NTM: variants seen among roughly 807,000 people sequenced by gnomAD.
NTM encodes neurotrimin, also known as IgLON family member 2.
A neutral mutation model predicts 42.1 loss-of-function variants in NTM; 13 were observed. The observed-to-expected ratio is 0.31, with a 90% CI of 0.20 to 0.49. The LOEUF (loss-of-function observed/expected upper bound fraction) is 0.49, where lower values mean the gene tolerates loss of function less well. Ranked by LOEUF, NTM falls within the 20% of genes least tolerant of loss-of-function variation. NTM has a pLI of 0.99. For missense variants in NTM, 373 were observed against 452.8 expected, an observed-to-expected ratio of 0.82 and a Z score of 1.60; for synonymous variants, 187 against 179.2, an observed-to-expected ratio of 1.04 and a Z score of -0.35.
intron 2 of NTM, among the ~76,000 whole-genome samples, chr11:132,090,700 C>T (rs1439247402): frequency 6.6e-6 from 1 of 152,090 alleles, no homozygotes; most frequent in Non-Finnish European, 1.5e-5. Flanking sequence ...TCTTCCCCTT[C>T]TTCCCCATCC....
At chr11:131,959,960 A>G (rs1484987192) in intron 2 of NTM, among the ~76,000 whole-genome samples, 2 of 152,218 alleles carry the variant, frequency 1.3e-5, no homozygotes, top group Non-Finnish European at 2.9e-5. Flanking sequence ...GTACAACAGC[A>G]TGTACTAGAG....
intron 2 of NTM, among the ~76,000 whole-genome samples, chr11:131,980,608 A>T (rs1457510277): frequency 6.6e-6 from 1 of 152,238 alleles, no homozygotes; most frequent in Non-Finnish European, 1.5e-5. Flanking sequence ...ACTTTCAAAA[A>T]CAAGTGAGAG....
intron 3 of NTM, among the ~76,000 whole-genome samples, chr11:132,150,389 G>A (rs1234635472): frequency 6.6e-6 from 1 of 152,098 alleles, no homozygotes; most frequent in East Asian, 1.9e-4. Flanking sequence ...CTCCTGTGTT[G>A]GACAGTGCAG....
Position 131,500,573 on chromosome 11 carries a change from ATATATTTT to A in NTM, c.82+129687_82+129694del, listed in dbSNP as rs1210358563. 6.5e-4 allele frequency among the ~76,000 whole-genome samples: 26 copies of A among 39,758 alleles called. 1 individual carries two copies. Among genetic ancestry groups the A allele is most frequent in the Admixed American group, 3.0e-3 (10 of 3,316 alleles). The allele number at this position is 39,758 out of a possible 152,430, so 26.1% of individuals were successfully genotyped here. A position where few individuals can be genotyped will look rare whatever the true frequency, so the allele number is the denominator to read the frequency against. ...TATATATATATATATATATATATATATATATTTTTTTTTTTTTTTTTTGTATTATACTT... is the reference window on the plus strand; with the variant it reads ...TATATATATATATATATATATATATATTTTTTTTTTTTTTGTATTATACTT... On this transcript the variant is annotated intron_variant, in intron 1 of 8. Coordinates refer to ENST00000683400, the MANE Select transcript of NTM (RefSeq NM_001352005.2).
chr11:131,626,502 G>A (rs142467142), intron 1 of NTM, among the ~76,000 whole-genome samples: 1 of 152,170 alleles, frequency 6.6e-6, no homozygotes, highest in East Asian at 1.9e-4. Flanking sequence ...AAGGGTGGCA[G>A]CTTACCTCAG....
intron 1 of NTM, among the ~76,000 whole-genome samples, chr11:131,401,818 A>ATATATATATATATATATGTG (rs1945205017): frequency 1.4e-4 from 6 of 42,988 alleles, no homozygotes; most frequent in East Asian, 1.3e-3. Context: ...ATATATATAT[A>ATATATATATATATATATGTG]TATATATATA....
chr11:131,583,165 C>T (rs771790321), intron 1 of NTM, among the ~76,000 whole-genome samples: 1 of 152,108 alleles, frequency 6.6e-6, no homozygotes, highest in African/African-American at 2.4e-5. Flanking sequence ...AGATTATGTT[C>T]CATGTTCTTC....
chr11:131,533,281 A>G (rs1371614615), intron 1 of NTM, among the ~76,000 whole-genome samples: 1 of 152,188 alleles, frequency 6.6e-6, no homozygotes, highest in Non-Finnish European at 1.5e-5. Flanking sequence ...TTAGAAACAC[A>G]TTATCCTTGT....
At chr11:131,406,305 T>C (rs771894651) in intron 1 of NTM, among the ~76,000 whole-genome samples, 1 of 152,214 alleles carries the variant, frequency 6.6e-6, no homozygotes, top group African/African-American at 2.4e-5. Context: ...CTCCTTTCTA[T>C]CTAGAAACTG....
chr11:131,749,873 T>A (rs1412269207), intron 1 of NTM, among the ~76,000 whole-genome samples: 1 of 152,258 alleles, frequency 6.6e-6, no homozygotes, highest in Non-Finnish European at 1.5e-5. Flanking sequence ...GTGCTGGGAT[T>A]ACAGGCATCA....
At position 131,572,772 on chromosome 11, in the gene NTM, G is replaced by A. The variant is rs181509423; in HGVS notation, c.82+201884G>A. Among the ~76,000 whole-genome samples, 4 of 152,324 alleles carry A rather than the reference G, an allele frequency of 2.6e-5. No individual in the cohort carries two copies. In the East Asian group the frequency reaches 5.8e-4, roughly 22 times the overall value. On this transcript the variant is annotated intron_variant, in intron 1 of 8. Transcript: ENST00000683400. ...GCACTTTCAGGCAGAAGCTTTTTAAGCTGCTGCAGAGCCCAATCACAGGGA... is the reference window on the plus strand; with the variant it reads ...GCACTTTCAGGCAGAAGCTTTTTAAACTGCTGCAGAGCCCAATCACAGGGA...
chr11:132,011,948 A>G (rs2072299137), intron 2 of NTM, among the ~76,000 whole-genome samples: 1 of 152,182 alleles, frequency 6.6e-6, no homozygotes, highest in African/African-American at 2.4e-5. Flanking sequence ...GCAAATTCTC[A>G]CAGCACTTAG....
intron 1 of NTM, among the ~76,000 whole-genome samples, chr11:131,730,721 A>AAAAAAG (rs113412896): frequency 7.4e-6 from 1 of 134,270 alleles, no homozygotes; most frequent in African/African-American, 2.8e-5. Flanking sequence ...CTATCTGTTA[A>AAAAAAG]AAGAAGAAGA....
At chr11:132,062,244 C>T (rs185606473) in intron 2 of NTM, among the ~76,000 whole-genome samples, 2 of 152,254 alleles carry the variant, frequency 1.3e-5, no homozygotes, top group East Asian at 3.9e-4. Context: ...AGTGGTGTGA[C>T]ATAGTAATTT....
At chr11:131,807,695 G>C (rs7951449) in intron 1 of NTM, among the ~76,000 whole-genome samples, 4,605 of 152,280 alleles carry the variant, frequency 0.03, 238 homozygotes, top group African/African-American at 0.11. Context: ...AGTCTCACCA[G>C]AGCTGGCACC....
chr11:131,533,164 T>C (rs372654075), intron 1 of NTM, among the ~76,000 whole-genome samples: 2 of 152,242 alleles, frequency 1.3e-5, no homozygotes, highest in East Asian at 3.9e-4. Flanking sequence ...TGGCCAAAAG[T>C]AATAAAACTC....
chr11:131,380,968 G>A (rs76377464), intron 1 of NTM, among the ~76,000 whole-genome samples: 14 of 151,890 alleles, frequency 9.2e-5, no homozygotes, highest in South Asian at 2.1e-4. Flanking sequence ...CTTTTTTCCC[G>A]TATATTAGTA....
intron 7 of NTM, among the ~76,000 whole-genome samples, chr11:132,325,447 C>G (rs1217534193): frequency 6.6e-6 from 1 of 152,138 alleles, no homozygotes. Flanking sequence ...CAGAGAAATG[C>G]AAATCAAAAC....
chr11:132,094,807 ATG>A (rs1555258493), intron 2 of NTM, among the ~76,000 whole-genome samples: 1 of 152,114 alleles, frequency 6.6e-6, no homozygotes, highest in Non-Finnish European at 1.5e-5. Context: ...TAAGAAGACT[ATG>A]TGAGTCCATG....
Sources: gnomAD v4.1 joint callset for allele counts (sites outside exome capture counted in the v4.1 genomes callset) on GRCh38, gnomAD v4.1.1 for gene constraint, MANE v1.5 for transcripts, NCBI Gene and HGNC (gene_info 2026-07-23, HGNC 2026-07-21) for gene names.